PANX2: variants seen among roughly 807,000 people sequenced by gnomAD.
PANX2 encodes pannexin-2.
In PANX2, 30 loss-of-function variants were observed where a neutral mutation model predicts 38.7. The observed-to-expected ratio is 0.78, with a 90% CI of 0.58 to 1.05. The LOEUF (loss-of-function observed/expected upper bound fraction) is 1.05. PANX2 is among the 50% of genes least tolerant of loss of function. The pLI is 0.00. For missense variants in PANX2, 880 were observed against 979.3 expected, an observed-to-expected ratio of 0.90 and a Z score of 1.35; for synonymous variants, 539 against 472.1, an observed-to-expected ratio of 1.14 and a Z score of -1.84.
rs1398386108 is a variant in PANX2 at position 50,180,094 on chromosome 22, G to A, written c.*817G>A. ...GAGTGCACGCCAGCGCGTGGCCCAT[G>A]TATGAGGAGTGAAGGGGCCCAACGC... On this transcript the variant is annotated 3_prime_UTR_variant, in exon 3 of 3. Transcript: ENST00000395842. 2.0e-5 allele frequency: 3 copies of A among 152,272 alleles called. No homozygotes were observed. Among genetic ancestry groups the A allele is most frequent in the African/African-American group, 4.8e-5 (2 of 41,464 alleles). The allele number at this position is 152,272 out of a possible 1,614,324, so 9.4% of individuals were successfully genotyped here.
At chr22:50,172,895 A>AT (rs1165494263) in intron 1 of PANX2, among the ~76,000 whole-genome samples, 5,759 of 87,018 alleles carry the variant, frequency 0.066, 677 homozygotes, top group African/African-American at 0.19. Flanking sequence ...CGCCTGGCTC[A>AT]TTTTTTTTTT....
intron 1 of PANX2, among the ~76,000 whole-genome samples, chr22:50,171,503 C>CAGG (rs2063631345): frequency 6.6e-6 from 1 of 152,158 alleles, no homozygotes; most frequent in Non-Finnish European, 1.5e-5. Context: ...AGGTTTGAAG[C>CAGG]AGGGGGGCTA....
chr22:50,171,662 C>T (rs2063632804), intron 1 of PANX2, among the ~76,000 whole-genome samples: 1 of 152,176 alleles, frequency 6.6e-6, no homozygotes, highest in African/African-American at 2.4e-5. Flanking sequence ...ATGGACAGAG[C>T]AGCCAGCCTG....
chr22:50,173,111 T>A (rs536372134), intron 1 of PANX2, among the ~76,000 whole-genome samples: 3 of 152,112 alleles, frequency 2.0e-5, no homozygotes, highest in South Asian at 2.1e-4. Flanking sequence ...TTGGCCAGGA[T>A]GGTCTCGATC....
At chr22:50,171,949 G>A (rs940711546) in intron 1 of PANX2, among the ~76,000 whole-genome samples, 6 of 152,242 alleles carry the variant, frequency 3.9e-5, no homozygotes, top group Non-Finnish European at 7.3e-5. Context: ...AGGAGTCCCC[G>A]TGGCCTGGAG....
chr22:50,178,836 C>G, intron 2 of PANX2, 98 bp from the exon 3 acceptor site: 1 of 1,092,972 alleles, frequency 9.1e-7, no homozygotes, highest in Non-Finnish European at 1.3e-6. Context: ...CGCTTCAGAG[C>G]CGTGAGCCCT....
At chr22:50,178,426 G>A (rs2063678211) in intron 2 of PANX2, 24 bp downstream of exon 2, 2 of 1,365,216 alleles carry the variant, frequency 1.5e-6, no homozygotes, top group Non-Finnish European at 1.9e-6. Flanking sequence ...CGGAGAGAGG[G>A]GACGGGGGAC....
At chr22:50,175,354 C>T in intron 1 of PANX2, 2 of 670,912 alleles carry the variant, frequency 3.0e-6, no homozygotes, top group East Asian at 8.3e-5. Flanking sequence ...GTTGGCCACA[C>T]ATGCCCAGCA....
chr22:50,177,698 G>T lies in PANX2; in HGVS notation c.986G>T (p.Gly329Val). 1 of 1,611,378 alleles carries T rather than the reference G, an allele frequency of 6.2e-7. No homozygotes were observed. The highest frequency in any genetic ancestry group is 8.5e-7 in the Non-Finnish European group (1 of 1,179,822). ...ATCTTCGACAAGCTGCACAAGGTGG[G>T]CATCAAGACGCGCCGGCAGTGGCGC... ...NFIFDKLHKV[G>V]IKTRRQWRRS... The change falls in exon 2 of 3, where the codon GGC (glycine) becomes GTC (valine). Residue 329 changes from glycine (G) to valine (V), a missense_variant. Physicochemically the swap from Gly to Val is moderately radical, Grantham distance 109 (BLOSUM62 -3). Around this residue, in one of 4 missense-constraint regions of PANX2, gnomAD observed 78 missense variants for 133.1 expected, o/e 0.59. Coordinates refer to ENST00000395842, the MANE Select transcript of PANX2 (RefSeq NM_052839.4).
intron 1 of PANX2, among the ~76,000 whole-genome samples, chr22:50,176,125 T>C (rs979653376): frequency 6.6e-6 from 1 of 152,206 alleles, no homozygotes; most frequent in Admixed American, 6.5e-5. Context: ...TGGGAAACGT[T>C]AGCAAGATCC....
chr22:50,176,927 CTT>C lies in PANX2; in HGVS notation c.227-10_227-9del. The C allele has an allele frequency of 6.6e-7, 1 of 1,516,062 alleles. No individual in the cohort carries two copies. 93.9% of individuals were successfully genotyped at this position (1,516,062 alleles called of 1,614,324 possible). On this transcript the variant is annotated splice_polypyrimidine_tract_variant and intron_variant, in intron 1 of 2. Coordinates refer to ENST00000395842, the MANE Select transcript of PANX2 (RefSeq NM_052839.4). Reference sequence around the variant, plus strand: ...CTCCCCGCCCCAGCCCGTGTCTCCTCTTTGCCCCCAGAGGAACCCATTTACTG... The same window carrying C: ...CTCCCCGCCCCAGCCCGTGTCTCCTCTGCCCCCAGAGGAACCCATTTACTG...
In PANX2 at chr22:50,177,090, C is replaced by T. The variant is rs2063665232; in HGVS notation, c.378C>T (p.Tyr126=). The part of the protein sequence containing the change: ...PSLFEHKFLP[Y]ALLAFAAIMY... Reference sequence around the variant, plus strand: ...TGTTTGAGCACAAGTTCCTGCCCTACGCGCTGCTGGCCTTCGCCGCCATCA... The same window carrying T: ...TGTTTGAGCACAAGTTCCTGCCCTATGCGCTGCTGGCCTTCGCCGCCATCA... Residue 126 remains tyrosine, a synonymous_variant, in exon 2 of 3, where the codon TAC becomes TAT. Transcript: ENST00000395842. 1.9e-6 allele frequency: 3 copies of T among 1,610,846 alleles called. No individual in the cohort carries two copies. The highest frequency in any genetic ancestry group is 1.1e-5 in the South Asian group (1 of 90,700).
chr22:50,177,083 TG>T lies in PANX2; in HGVS notation c.372del (p.Tyr126ThrfsTer108), dbSNP rs760099816. The T allele has an allele frequency of 6.2e-7, 1 of 1,611,046 alleles. No individual in the cohort carries two copies. Among genetic ancestry groups the T allele is most frequent in the South Asian group, 1.1e-5 (1 of 90,738 alleles). On this transcript the variant is annotated frameshift_variant, in exon 2 of 3. Coordinates refer to ENST00000395842, the MANE Select transcript of PANX2 (RefSeq NM_052839.4). LOFTEE classifies it high-confidence loss of function. Reference sequence around the variant, plus strand: ...CCGTCGCTGTTTGAGCACAAGTTCCTGCCCTACGCGCTGCTGGCCTTCGCCG... The same window carrying T: ...CCGTCGCTGTTTGAGCACAAGTTCCTCCCTACGCGCTGCTGGCCTTCGCCG... ...LWPSLFEHKF[L>X]PYALLAFAAI... is the part of the protein sequence containing the mutation.
At chr22:50,172,917 GA>G (rs1348771842) in intron 1 of PANX2, among the ~76,000 whole-genome samples, 9 of 123,030 alleles carry the variant, frequency 7.3e-5, no homozygotes, top group East Asian at 5.2e-4. Flanking sequence ...TTTTTTTTGA[GA>G]CAGAGTCTCG....
intron 1 of PANX2, among the ~76,000 whole-genome samples, chr22:50,173,118 G>C (rs569735357): frequency 1.3e-5 from 2 of 152,012 alleles, no homozygotes; most frequent in East Asian, 3.9e-4. Context: ...GGATGGTCTC[G>C]ATCTCCTGAC....
intron 1 of PANX2, 146 bp from the exon 2 acceptor site, chr22:50,176,793 T>TCTGGGCAAC: frequency 1.2e-6 from 1 of 857,284 alleles, no homozygotes; most frequent in Non-Finnish European, 1.7e-6. Flanking sequence ...GTGGGGTTCA[T>TCTGGGCAAC]CTGGGCAACC....
Position 50,178,341 on chromosome 22 carries a change from G to A in PANX2, c.1629G>A (p.Glu543=). 1.3e-6 allele frequency: 2 copies of A among 1,499,050 alleles called. No homozygotes were observed. Among genetic ancestry groups the A allele is most frequent in the African/African-American group, 1.5e-5 (1 of 68,928 alleles). The allele number at this position is 1,499,050 out of a possible 1,614,324, so 92.9% of individuals were successfully genotyped here. A position where few individuals can be genotyped will look rare whatever the true frequency, so the allele number is the denominator to read the frequency against. Residue 543 remains glutamate, a synonymous_variant, in exon 2 of 3, where the codon GAG becomes GAA. Coordinates refer to ENST00000395842, the MANE Select transcript of PANX2 (RefSeq NM_052839.4). ...PAALPASRSQ[E]GGFLSQAEDC... is the part of the protein sequence containing the mutation. ...CCCTGCCCGCCTCCCGGAGCCAGGA[G>A]GGGGGCTTCCTGTCCCAGGCGGAGG...
chr22:50,176,907 C>T (rs1278177341), intron 1 of PANX2, 32 bp from the exon 2 acceptor site: 3 of 1,494,650 alleles, frequency 2.0e-6, no homozygotes, highest in South Asian at 2.7e-5. Context: ...TGCGCCTCCC[C>T]GCCCCAGCCC....
chr22:50,176,117 G>A (rs1014632316), intron 1 of PANX2, among the ~76,000 whole-genome samples: 1 of 152,238 alleles, frequency 6.6e-6, no homozygotes, highest in Non-Finnish European at 1.5e-5. Flanking sequence ...AGCCTTCCTG[G>A]GAAACGTTAG....
Sources: allele counts gnomAD v4.1 joint callset (sites outside exome capture counted in the v4.1 genomes callset), GRCh38; gene constraint gnomAD v4.1.1; regional missense constraint gnomAD v4.1.1; transcripts MANE v1.5; gene names NCBI Gene and HGNC (gene_info 2026-07-23, HGNC 2026-07-21).